SLC11A2: variants seen among roughly 807,000 people sequenced by gnomAD.
SLC11A2 encodes solute carrier family 11 member 2.
A neutral mutation model predicts 68.0 loss-of-function variants in SLC11A2; 38 were observed. The ratio of observed to expected loss-of-function variants is 0.56; its 90% confidence interval spans 0.43 to 0.73. SLC11A2 has a LOEUF of 0.73. Ranked by LOEUF, SLC11A2 falls within the 30% of genes least tolerant of loss-of-function variation. The pLI is 0.00. For synonymous variants in SLC11A2, 242 were observed against 250.6 expected (o/e 0.97, Z 0.32); for missense variants, 517 against 690.5 (o/e 0.75, Z 2.82).
Position 50,988,177 on chromosome 12 carries a change from T to A in SLC11A2, c.*148A>T. 1 of 1,539,488 alleles carries A rather than the reference T, an allele frequency of 6.5e-7. No homozygotes were observed. The highest frequency in any genetic ancestry group is 8.7e-7 in the Non-Finnish European group (1 of 1,143,886). ...GGAAAAAATAATTCCATCTTTCAAA[T>A]ACACATGAAACAAAGTCTTTTCCAA... On this transcript the variant is annotated 3_prime_UTR_variant, in exon 16 of 16. Transcript: ENST00000262052.
chr12:51,011,522 C>T (rs1943225529), intron 1 of SLC11A2, among the ~76,000 whole-genome samples: 1 of 151,492 alleles, frequency 6.6e-6, no homozygotes, highest in African/African-American at 2.4e-5. Context: ...GTGTCTAAAG[C>T]CAGACACATT....
intron 3 of SLC11A2, among the ~76,000 whole-genome samples, chr12:51,007,055 A>G (rs1942790410): frequency 6.6e-6 from 1 of 151,910 alleles, no homozygotes; most frequent in South Asian, 2.1e-4. Flanking sequence ...GTGTCAATCA[A>G]TTTCCAATCA....
intron 15 of SLC11A2, among the ~76,000 whole-genome samples, chr12:50,988,914 A>G (rs1308243849): frequency 1.3e-5 from 2 of 151,924 alleles, no homozygotes; most frequent in Non-Finnish European, 2.9e-5. Context: ...GTGTCTTGCT[A>G]TATTTCTCAA....
downstream of SLC11A2, among the ~76,000 whole-genome samples, chr12:50,974,973 C>G (rs1939829722): frequency 6.6e-6 from 1 of 152,270 alleles, no homozygotes; most frequent in African/African-American, 2.4e-5. Flanking sequence ...AATATAGGAG[C>G]ACCCAGATTC....
chr12:50,959,516 C>T, the SLC11A2 span, among the ~76,000 whole-genome samples: 1 of 152,108 alleles, frequency 6.6e-6, no homozygotes, highest in East Asian at 1.9e-4. Context: ...TCTTACTTAT[C>T]CAAAAATTTT....
chr12:50,989,121 T>C lies in SLC11A2; in HGVS notation c.1576-686A>G, dbSNP rs530802864. Among the ~76,000 whole-genome samples, 4 of 152,226 alleles carry C rather than the reference T, an allele frequency of 2.6e-5. No homozygotes were observed. The South Asian group carries it at 8.3e-4, about 32-fold the overall frequency. On this transcript the variant is annotated intron_variant, in intron 15 of 15. Coordinates refer to ENST00000262052, the MANE Select transcript of SLC11A2 (RefSeq NM_000617.3). ...GACTAATACAATTGGTGTAGTCTCC[T>C]AAGCTGCTCTATGAAGTTCCTGTTT...
At chr12:50,956,360 C>G in the SLC11A2 span, among the ~76,000 whole-genome samples, 9 of 152,182 alleles carry the variant, frequency 5.9e-5, no homozygotes, top group African/African-American at 2.2e-4. Flanking sequence ...CCACTGCACT[C>G]CAGCCTGGGC....
chr12:50,993,652 ACCC>A (rs764973847), intron 11 of SLC11A2, among the ~76,000 whole-genome samples: 1 of 151,408 alleles, frequency 6.6e-6, no homozygotes, highest in African/African-American at 2.4e-5. Flanking sequence ...ACATGGAGAG[ACCC>A]CCATCTCTAC....
At chr12:51,008,227 T>TAGAC in intron 3 of SLC11A2, 1 of 280,594 alleles carries the variant, frequency 3.6e-6, no homozygotes, top group Non-Finnish European at 5.9e-6. Context: ...GATAGACAGA[T>TAGAC]AGATAGATAG....
chr12:50,969,145 T>C, the SLC11A2 span, among the ~76,000 whole-genome samples: 4 of 148,154 alleles, frequency 2.7e-5, no homozygotes, highest in Non-Finnish European at 6.0e-5. Flanking sequence ...AAATACAAAA[T>C]TAGCTGGGTG....
At chr12:50,975,146 G>A (rs1939832307), downstream of SLC11A2, among the ~76,000 whole-genome samples, 1 of 152,138 alleles carries the variant, frequency 6.6e-6, no homozygotes, top group Non-Finnish European at 1.5e-5. Context: ...GGACCTAATA[G>A]ACATCTACAG....
chr12:50,968,738 C>T, the SLC11A2 span, among the ~76,000 whole-genome samples: 5 of 151,884 alleles, frequency 3.3e-5, no homozygotes, highest in South Asian at 2.1e-4. Flanking sequence ...GATGGGGTTT[C>T]GCCATGTTGG....
the SLC11A2 span, chr12:50,961,018 T>G: frequency 1.2e-6 from 2 of 1,611,476 alleles, no homozygotes; most frequent in East Asian, 4.5e-5. Context: ...CAAGCTAAAG[T>G]ACAGAAGAGA....
Position 50,999,793 on chromosome 12 carries a change from AG to A in SLC11A2, c.537-379del, listed in dbSNP as rs1183253973. On this transcript the variant is annotated intron_variant, in intron 6 of 15. Coordinates refer to ENST00000262052, the MANE Select transcript of SLC11A2 (RefSeq NM_000617.3). ...GCTGAGGCGGGCATTCCTAGACCTGAGGTCAGGAGTTAGAGACCAGCCTGGC... is the reference window on the plus strand; with the variant it reads ...GCTGAGGCGGGCATTCCTAGACCTGAGTCAGGAGTTAGAGACCAGCCTGGC... 1.3e-3 allele frequency among the ~76,000 whole-genome samples: 197 copies of A among 152,168 alleles called. 2 individuals carry two copies. Among genetic ancestry groups the A allele is most frequent in the Middle Eastern group, 0.01 (3 of 294 alleles).
chr12:51,005,663 C>T, intron 3 of SLC11A2: 1 of 1,359,490 alleles, frequency 7.4e-7, no homozygotes, highest in Non-Finnish European at 9.7e-7. Flanking sequence ...CTGCAGGTTC[C>T]ATCAGCCTCT....
At chr12:51,023,689 T>C (rs774935822) in intron 1 of SLC11A2, among the ~76,000 whole-genome samples, 9 of 152,212 alleles carry the variant, frequency 5.9e-5, no homozygotes, top group Non-Finnish European at 1.3e-4. Flanking sequence ...GAAAAACAGA[T>C]TACAAAGACA....
downstream of SLC11A2, among the ~76,000 whole-genome samples, chr12:50,982,713 G>A (rs1368016431): frequency 6.6e-6 from 1 of 152,170 alleles, no homozygotes; most frequent in East Asian, 1.9e-4. Context: ...GGAGGCCGAG[G>A]CGCATGGATC....
chr12:51,002,362 G>A (rs1177777277), intron 5 of SLC11A2, among the ~76,000 whole-genome samples: 2 of 152,062 alleles, frequency 1.3e-5, no homozygotes, highest in South Asian at 2.1e-4. Context: ...AAACAGGCCA[G>A]GCACAGTATC....
At chr12:51,021,584 A>C (rs1592454986) in intron 1 of SLC11A2, among the ~76,000 whole-genome samples, 3 of 151,540 alleles carry the variant, frequency 2.0e-5, no homozygotes, top group African/African-American at 7.3e-5. Context: ...CTGAGATCAC[A>C]CCACTGCTCT....
Sources: allele counts gnomAD v4.1 joint callset (sites outside exome capture counted in the v4.1 genomes callset), GRCh38; gene constraint gnomAD v4.1.1; transcripts MANE v1.5; gene names NCBI Gene and HGNC (gene_info 2026-07-23, HGNC 2026-07-21).